Variants in PRKAG2 observed in about 807,000 individuals in gnomAD.
PRKAG2 encodes protein kinase AMP-activated non-catalytic subunit gamma 2.
In PRKAG2, 26 loss-of-function variants were observed where a neutral mutation model predicts 69.6. That is an observed-to-expected ratio of 0.37 (90% confidence interval 0.27 to 0.52). The LOEUF (loss-of-function observed/expected upper bound fraction) is 0.52, where lower values mean the gene tolerates loss of function less well. Among genes scored for constraint, PRKAG2 ranks in the 20% least tolerant of loss-of-function variants. The pLI is 0.90. For synonymous variants in PRKAG2, 293 were observed against 285.0 expected (o/e 1.03, Z -0.28); for missense variants, 557 against 740.0 (o/e 0.75, Z 2.87).
At chr7:151,804,091 C>T (rs2077979049) in intron 1 of PRKAG2, among the ~76,000 whole-genome samples, 1 of 152,126 alleles carries the variant, frequency 6.6e-6, no homozygotes, top group Admixed American at 6.5e-5. Flanking sequence ...TATGCAAATG[C>T]AAATATGAAG....
intron 3 of PRKAG2, among the ~76,000 whole-genome samples, chr7:151,687,695 C>A (rs991149774): frequency 9.8e-5 from 15 of 152,312 alleles, no homozygotes; most frequent in Non-Finnish European, 1.9e-4. Context: ...TACCCCCCAC[C>A]CCAGAAGCAG....
chr7:151,560,115 CAAAAT>C (rs1342507531), intron 15 of PRKAG2: 8 of 984,870 alleles, frequency 8.1e-6, no homozygotes, highest in Non-Finnish European at 9.6e-6. Context: ...TTTATCTACT[CAAAAT>C]ATAAGTTTTT....
chr7:151,764,779 G>C (rs2075639943), intron 3 of PRKAG2, among the ~76,000 whole-genome samples: 1 of 152,244 alleles, frequency 6.6e-6, no homozygotes, highest in Non-Finnish European at 1.5e-5. Flanking sequence ...CCAGGACGTG[G>C]GGGCAGGGCC....
intron 1 of PRKAG2, among the ~76,000 whole-genome samples, chr7:151,839,907 A>G (rs1044069675): frequency 1.3e-5 from 2 of 152,166 alleles, no homozygotes; most frequent in Non-Finnish European, 2.9e-5. Flanking sequence ...GAAGCTGAGC[A>G]GGGTGGCAGC....
At chr7:151,822,520 G>A (rs1205295817) in intron 1 of PRKAG2, among the ~76,000 whole-genome samples, 41 of 152,208 alleles carry the variant, frequency 2.7e-4, no homozygotes. Context: ...CCCAGGTCCA[G>A]GGGCTCCCTT....
At chr7:151,578,774 C>CA (rs1809634639) in intron 6 of PRKAG2, among the ~76,000 whole-genome samples, 1 of 152,106 alleles carries the variant, frequency 6.6e-6, no homozygotes, top group Admixed American at 6.5e-5. Flanking sequence ...AAAAAGGCAC[C>CA]AAAATACACT....
intron 4 of PRKAG2, among the ~76,000 whole-genome samples, chr7:151,640,677 T>C (rs149941539): frequency 6.6e-6 from 1 of 152,274 alleles, no homozygotes; most frequent in Non-Finnish European, 1.5e-5. Flanking sequence ...CCTTCCTTCC[T>C]TCCTTCCCCG....
rs559681041 is a variant in PRKAG2, at chr7:151,710,876, T to C, written c.467-35239A>G. Among the ~76,000 whole-genome samples, 4 of 152,302 alleles carry C rather than the reference T, an allele frequency of 2.6e-5. No individual in the cohort carries two copies. In the East Asian group the frequency reaches 5.8e-4, roughly 22 times the overall value. On this transcript the variant is annotated intron_variant, in intron 3 of 15. Coordinates refer to ENST00000287878, the MANE Select transcript of PRKAG2 (RefSeq NM_016203.4). ...GCTTGGCACAGAGCACTCATAGTGG[T>C]AGGCAGAGAGTGTCAGCAGTGCTGG... is the stretch of plus-strand genomic sequence containing the variant.
At chr7:151,641,045 A>G (rs1826577543) in intron 4 of PRKAG2, among the ~76,000 whole-genome samples, 1 of 152,062 alleles carries the variant, frequency 6.6e-6, no homozygotes, top group Non-Finnish European at 1.5e-5. Context: ...CTTTCCCTTT[A>G]GTGTTGGAAT....
intron 1 of PRKAG2, among the ~76,000 whole-genome samples, chr7:151,820,956 C>T (rs1466397841): frequency 4.0e-4 from 1 of 2,500 alleles, no homozygotes; most frequent in Non-Finnish European, 2.2e-3. Flanking sequence ...GGACCCCCCC[C>T]AGCCAGGTAC....
In PRKAG2 at chr7:151,776,574, C is replaced by T. The variant is rs114247476; in HGVS notation, c.466+4578G>A. Among the ~76,000 whole-genome samples the T allele has an allele frequency of 8.5e-3, 1,293 of 152,330 alleles. 22 individuals are homozygous for T. Among genetic ancestry groups the T allele is most frequent in the African/African-American group, 0.029 (1,220 of 41,586 alleles). On this transcript the variant is annotated intron_variant, in intron 3 of 15. Coordinates refer to ENST00000287878, the MANE Select transcript of PRKAG2 (RefSeq NM_016203.4). ...CTGTGTCCCAAGGGAGGGCCCAGGCCCCGGGTACACACGGGCCCCAGCAGG... is the reference window on the plus strand; with the variant it reads ...CTGTGTCCCAAGGGAGGGCCCAGGCTCCGGGTACACACGGGCCCCAGCAGG...
At chr7:151,790,810 T>C (rs781757871) in intron 1 of PRKAG2, among the ~76,000 whole-genome samples, 1 of 152,242 alleles carries the variant, frequency 6.6e-6, no homozygotes, top group Non-Finnish European at 1.5e-5. Context: ...AAATCCTCAC[T>C]TGCTCCTCAT....
In PRKAG2 at chr7:151,816,467, TCTTC is replaced by T. The variant is rs749201958; in HGVS notation, c.115-29930_115-29927del. On this transcript the variant is annotated intron_variant, in intron 1 of 15. Transcript: ENST00000287878. ...ATCAGTCATTTCTCTGAACCTCAGT[TCTTC>T]CTTTGAAAAACCAAGCTGAGTGGAA... is the stretch of plus-strand genomic sequence containing the variant. Among the ~76,000 whole-genome samples, 6 of 152,214 alleles carry T rather than the reference TCTTC, an allele frequency of 3.9e-5. No individual in the cohort carries two copies. In the East Asian group the frequency reaches 7.7e-4, roughly 20 times the overall value.
chr7:151,858,491 C>T (rs2079839678), intron 1 of PRKAG2, among the ~76,000 whole-genome samples: 2 of 152,136 alleles, frequency 1.3e-5, no homozygotes, highest in South Asian at 4.1e-4. Flanking sequence ...CTAGGTAAGC[C>T]TCAGTGGATA....
rs144075287 is a variant in PRKAG2 at position 151,850,967 on chromosome 7, C to G, written c.114+25540G>C. On this transcript the variant is annotated intron_variant, in intron 1 of 15. Coordinates refer to ENST00000287878, the MANE Select transcript of PRKAG2 (RefSeq NM_016203.4). This position sits in a 1 kb window ranked among gnomAD's most constrained non-coding sequence, Gnocchi z 4.1. ...TCCAAGGCACGGCCCACAGGGGTAC[C>G]CCTGCTCCCCAACCCGCAAATGGGT... is the stretch of plus-strand genomic sequence containing the variant. 3.9e-4 allele frequency among the ~76,000 whole-genome samples: 59 copies of G among 152,264 alleles called. No individual in the cohort carries two copies. Among genetic ancestry groups the G allele is most frequent in the Middle Eastern group, 3.4e-3 (1 of 294 alleles).
At chr7:151,787,643 G>A (rs928986107) in intron 1 of PRKAG2, among the ~76,000 whole-genome samples, 1 of 152,184 alleles carries the variant, frequency 6.6e-6, no homozygotes, top group African/African-American at 2.4e-5. Context: ...TGACTATTGT[G>A]AATAACGCTG....
chr7:151,675,622 G>C lies in PRKAG2; in HGVS notation c.482C>G (p.Ser161Cys), dbSNP rs748557485. The C allele has an allele frequency of 6.2e-7, 1 of 1,613,784 alleles. No individual in the cohort carries two copies. ...CACTTGGGTGGGTGTTGACGGAGAG[G>C]AGGAGAGGCCGGAGGCTGCAGAAGA... ...SRSRKTSGLS[S>C]SPSTPTQVTK... The change falls in exon 4 of 16, where the codon TCC becomes TGC. Residue 161 changes from serine (S) to cysteine (C), a missense_variant. By Grantham distance (112) the Ser-to-Cys change is moderately radical (BLOSUM62 -1). Around this residue, in one of 2 missense-constraint regions of PRKAG2, gnomAD observed 352 missense variants for 356.7 expected, o/e 0.99. Coordinates refer to ENST00000287878, the MANE Select transcript of PRKAG2 (RefSeq NM_016203.4).
intron 4 of PRKAG2, among the ~76,000 whole-genome samples, chr7:151,647,770 T>A (rs1334258895): frequency 1.3e-5 from 2 of 152,200 alleles, no homozygotes; most frequent in African/African-American, 4.8e-5. Flanking sequence ...TAATCTCAAA[T>A]CGTTTTTGGC....
At chr7:151,601,558 G>T (rs550069924) in intron 5 of PRKAG2, among the ~76,000 whole-genome samples, 1 of 152,278 alleles carries the variant, frequency 6.6e-6, no homozygotes, top group Admixed American at 6.5e-5. Flanking sequence ...CGTGACCCTG[G>T]AGTGAAGCTA....
Sources: gnomAD v4.1 joint callset for allele counts (sites outside exome capture counted in the v4.1 genomes callset) on GRCh38, gnomAD v4.1.1 for gene constraint, gnomAD v4.1.1 regional missense constraint, Gnocchi (gnomAD v3.1) non-coding constraint, MANE v1.5 for transcripts, NCBI Gene and HGNC (gene_info 2026-07-23, HGNC 2026-07-21) for gene names.